TPM4: variants seen among roughly 807,000 people sequenced by gnomAD.
TPM4 encodes the protein tropomyosin alpha-4 chain.
Under a neutral mutation model 35.8 loss-of-function variants are expected in TPM4, and 17 were observed. The observed-to-expected ratio is 0.47, with a 90% CI of 0.32 to 0.71. The LOEUF is 0.71. Ranked by LOEUF, TPM4 falls within the 30% of genes least tolerant of loss-of-function variation. The probability of loss-of-function intolerance (pLI) is 0.03; values close to 1 mark genes in which losing one functional copy is unlikely to be tolerated. For synonymous variants in TPM4, 120 were observed against 122.9 expected, an observed-to-expected ratio of 0.98 and a Z score of 0.15; for missense variants, 240 against 320.9, an observed-to-expected ratio of 0.75 and a Z score of 1.93.
At chr19:16,077,632 C>T (rs2090427472) in intron 1 of TPM4, among the ~76,000 whole-genome samples, 1 of 152,186 alleles carries the variant, frequency 6.6e-6, no homozygotes. Flanking sequence ...TATTTGCTCT[C>T]TAGGAGCTTT....
At chr19:16,076,920 T>G in intron 1 of TPM4, 5 of 959,644 alleles carry the variant, frequency 5.2e-6, no homozygotes, top group South Asian at 4.6e-5. Context: ...GGGCGCCGCC[T>G]CCGGGTCGGG....
Position 16,089,185 on chromosome 19 carries a change from T to C in TPM4, c.531+65T>C, listed in dbSNP as rs1483911363. The C allele has an allele frequency of 5.0e-6, 8 of 1,598,344 alleles. No homozygotes were observed. The East Asian group carries it at 1.6e-4, about 31-fold the overall frequency. On this transcript the variant is annotated intron_variant, in intron 5 of 7. Coordinates refer to ENST00000643579, the MANE Select transcript of TPM4 (RefSeq NM_003290.3). ...TTTGTTCTTTTCTTCTCCCGAGGGATGCAGGAGCCTGTCAGGTTATGGGGA... is the reference window on the plus strand; with the variant it reads ...TTTGTTCTTTTCTTCTCCCGAGGGACGCAGGAGCCTGTCAGGTTATGGGGA...
intron 1 of TPM4, chr19:16,078,055 G>A (rs1300564663): frequency 2.5e-6 from 1 of 397,482 alleles, no homozygotes; most frequent in Non-Finnish European, 4.4e-6. Context: ...TTACAAGCGT[G>A]AGCCACGGCG....
Position 16,093,597 on chromosome 19 carries a change from A to G in TPM4, c.593A>G (p.Glu198Gly). ...EIKLLSDKLK[E>G]AETRAEFAER... The stretch of plus-strand genomic sequence containing the variant: ...AAACTTCTGTCTGACAAACTGAAAG[A>G]GGTGAGTGTGGTGGCACCCAGCGAG... Residue 198 changes from glutamate (E) to glycine (G), a missense_variant and splice_region_variant, in exon 6 of 8, where the codon GAG becomes GGG. Coordinates refer to ENST00000643579, the MANE Select transcript of TPM4 (RefSeq NM_003290.3). 1 of 1,614,204 alleles carries G rather than the reference A, an allele frequency of 6.2e-7. No individual in the cohort carries two copies. The highest frequency in any genetic ancestry group is 8.5e-7 in the Non-Finnish European group (1 of 1,180,036).
At position 16,082,032 on chromosome 19, in the gene TPM4, A is replaced by G; in HGVS notation, c.252A>G (p.Ala84=). Reference sequence around the variant, plus strand: ...AGCTGGAGGAGGCAGAAAAAGCTGCAGATGAGAGTGAGAGGTAAGGACGCT... The same window carrying G: ...AGCTGGAGGAGGCAGAAAAAGCTGCGGATGAGAGTGAGAGGTAAGGACGCT... ...LQKLEEAEKA[A]DESERGMKVI... is the part of the protein sequence containing the mutation. Residue 84 remains alanine, a synonymous_variant, in exon 2 of 8, where the codon GCA becomes GCG. Transcript: ENST00000643579. 1 of 1,609,194 alleles carries G rather than the reference A, an allele frequency of 6.2e-7. No homozygotes were observed. Among genetic ancestry groups the G allele is most frequent in the South Asian group, 1.1e-5 (1 of 90,920 alleles).
At chr19:16,079,388 C>G (rs140682628) in intron 1 of TPM4, among the ~76,000 whole-genome samples, 100 of 152,240 alleles carry the variant, frequency 6.6e-4, no homozygotes, top group African/African-American at 2.4e-3. Flanking sequence ...CAGTTCCTGG[C>G]CCAGTTACTG....
upstream of TPM4, among the ~76,000 whole-genome samples, chr19:16,072,542 T>C (rs911780249): frequency 6.6e-6 from 1 of 151,970 alleles, no homozygotes; most frequent in Non-Finnish European, 1.5e-5. Context: ...CCCCCATCTG[T>C]GTGGCATCAG....
In TPM4 at chr19:16,086,474, G is replaced by T; in HGVS notation, c.318G>T (p.Glu106Asp). 1.2e-6 allele frequency: 2 copies of T among 1,613,992 alleles called. No homozygotes were observed. The highest frequency in any genetic ancestry group is 1.1e-5 in the South Asian group (1 of 91,074). ...CCATGAAGGATGAGGAGAAGATGGA[G>T]ATTCAGGAGATGCAGCTCAAAGAGG... ...NRAMKDEEKM[E>D]IQEMQLKEAK... is the part of the protein sequence containing the mutation. The change falls in exon 3 of 8, where the codon GAG (glutamate) becomes GAT (aspartate). Residue 106 changes from glutamate to aspartate, a missense_variant. Physicochemically the swap from Glu to Asp is conservative, Grantham distance 45. Coordinates refer to ENST00000643579, the MANE Select transcript of TPM4 (RefSeq NM_003290.3).
At chr19:16,071,272 T>C (rs2090354690) in intron 2 of TPM4, among the ~76,000 whole-genome samples, 1 of 152,200 alleles carries the variant, frequency 6.6e-6, no homozygotes, top group South Asian at 2.1e-4. Flanking sequence ...CACAGCTTAC[T>C]GCAGCCTCAA....
rs774667619 is a variant in TPM4 at position 16,067,707 on chromosome 19, A to G, written c.83A>G (p.Asp28Gly). ...GACCGCGCGGAGCAGGCGGAGGCGG[A>G]TAAGAAAGCCGCTGAGGACAAGTGC... Residue 28 changes from aspartate (D) to glycine (G), a missense_variant, in exon 2 of 3, where the codon GAT becomes GGT. Asp to Gly is a moderately conservative substitution (Grantham distance 94, BLOSUM62 -1). Coordinates refer to the TPM4 transcript ENST00000589897. This position sits in a 1 kb window ranked among gnomAD's most constrained non-coding sequence, Gnocchi z 4.1. 6.2e-7 allele frequency: 1 copy of G among 1,613,428 alleles called. No individual in the cohort carries two copies. Among genetic ancestry groups the G allele is most frequent in the Admixed American group, 1.7e-5 (1 of 59,958 alleles).
intron 2 of TPM4, among the ~76,000 whole-genome samples, chr19:16,085,872 C>A (rs2090544113): frequency 6.6e-6 from 1 of 151,826 alleles, no homozygotes; most frequent in Non-Finnish European, 1.5e-5. Context: ...AGTTCCAGAC[C>A]AGCCTGGCCA....
At chr19:16,080,747 TG>T (rs1200132812) in intron 1 of TPM4, 1 of 303,208 alleles carries the variant, frequency 3.3e-6, no homozygotes, top group African/African-American at 2.1e-5. Context: ...AGGTAGAAGT[TG>T]CAGCAAGCCG....
At chr19:16,095,395 C>T (rs754165932) in intron 7 of TPM4, 27 of 1,033,100 alleles carry the variant, frequency 2.6e-5, no homozygotes, top group South Asian at 4.6e-5. Context: ...GTGCCTCCTA[C>T]GCCCCTGTGG....
At position 16,102,972 on chromosome 19, in the gene TPM4, A is replaced by G. The variant is rs2090777739; in HGVS notation, c.*1626A>G. 9.7e-6 allele frequency: 2 copies of G among 205,488 alleles called. No individual in the cohort carries two copies. The highest frequency in any genetic ancestry group is 2.0e-5 in the Non-Finnish European group (2 of 100,528). The allele number at this position is 205,488 out of a possible 1,614,324, so 12.7% of individuals were successfully genotyped here. A position where few individuals can be genotyped will look rare whatever the true frequency, so the allele number is the denominator to read the frequency against. Reference sequence around the variant, plus strand: ...TATGTAATAGTATCACTTTTTCTACATTTTGGTCAAATAAATTTTTACATA... The same window carrying G: ...TATGTAATAGTATCACTTTTTCTACGTTTTGGTCAAATAAATTTTTACATA... On this transcript the variant is annotated 3_prime_UTR_variant, in exon 8 of 8. Coordinates refer to ENST00000643579, the MANE Select transcript of TPM4 (RefSeq NM_003290.3).
intron 3 of TPM4, among the ~76,000 whole-genome samples, chr19:16,087,118 T>A (rs753793213): frequency 8.6e-5 from 13 of 150,960 alleles, no homozygotes; most frequent in Non-Finnish European, 1.8e-4. Context: ...TTTCTAAAAA[T>A]AATAATAATA....
chr19:16,073,853 G>A (rs928438063), upstream of TPM4, among the ~76,000 whole-genome samples: 7 of 147,240 alleles, frequency 4.8e-5, no homozygotes, highest in Non-Finnish European at 1.0e-4. Context: ...GAGGCGGGAG[G>A]ATCGCTTGAG....
chr19:16,087,112 T>TA (rs1351820548), intron 3 of TPM4, among the ~76,000 whole-genome samples: 13 of 151,906 alleles, frequency 8.6e-5, no homozygotes, highest in African/African-American at 3.1e-4. Flanking sequence ...ACCCCATTTC[T>TA]AAAAATAATA....
chr19:16,091,220 T>A (rs2090622754), intron 5 of TPM4, among the ~76,000 whole-genome samples: 1 of 151,820 alleles, frequency 6.6e-6, no homozygotes, highest in African/African-American at 2.4e-5. Flanking sequence ...CCCAGCTAAT[T>A]TTTGTATTTT....
chr19:16,094,594 A>ATT (rs373147113), intron 7 of TPM4, among the ~76,000 whole-genome samples: 12 of 147,786 alleles, frequency 8.1e-5, no homozygotes, highest in South Asian at 2.1e-4. Flanking sequence ...GATGCCTTGC[A>ATT]TTTTTTTTTT....
Sources: allele counts gnomAD v4.1 joint callset (sites outside exome capture counted in the v4.1 genomes callset), GRCh38; gene constraint gnomAD v4.1.1; non-coding constraint Gnocchi (gnomAD v3.1); transcripts MANE v1.5; gene names NCBI Gene and HGNC (gene_info 2026-07-23, HGNC 2026-07-21).